The following CIMAP2 variants were observed in gnomAD, a reference collection of about 807,000 sequenced individuals.
CIMAP2 encodes the protein ciliary microtubule associated protein 2, also known as ciliary microtubule-associated protein 2.
chr1:54,807,646 C>A, the CIMAP2 span: 1 of 1,610,638 alleles, frequency 6.2e-7, no homozygotes, highest in Admixed American at 1.7e-5. Flanking sequence ...GACCCAGCTA[C>A]CCCACTTCCA....
chr1:54,806,947 G>T, the CIMAP2 span: 57 of 1,542,864 alleles, frequency 3.7e-5, no homozygotes, highest in Non-Finnish European at 4.9e-5. Context: ...CCCACGCCAG[G>T]GCCAGGTGCC....
chr1:54,816,829 C>CTGGGGTTGCT, the CIMAP2 span, among the ~76,000 whole-genome samples: 2 of 152,172 alleles, frequency 1.3e-5, no homozygotes, highest in African/African-American at 4.8e-5. Context: ...TTTTGAGATA[C>CTGGGGTTGCT]TGGGGTTGCT....
At chr1:54,810,187 C>T in the CIMAP2 span, among the ~76,000 whole-genome samples, 2 of 152,206 alleles carry the variant, frequency 1.3e-5, no homozygotes, top group Non-Finnish European at 2.9e-5. Flanking sequence ...GTGGTGCTCA[C>T]TGCCAACCCA....
chr1:54,816,282 G>A, the CIMAP2 span, among the ~76,000 whole-genome samples: 19 of 152,238 alleles, frequency 1.2e-4, no homozygotes, highest in African/African-American at 4.3e-4. Flanking sequence ...CATGGGACCA[G>A]CTTCTGGGTC....
chr1:54,807,397 GA>G, the CIMAP2 span: 2 of 1,211,718 alleles, frequency 1.7e-6, no homozygotes, highest in Non-Finnish European at 2.3e-6. Context: ...CCTTAGTGCT[GA>G]GGGTGGGAGC....
chr1:54,815,389 C>T, the CIMAP2 span, among the ~76,000 whole-genome samples: 1 of 152,136 alleles, frequency 6.6e-6, no homozygotes, highest in Non-Finnish European at 1.5e-5. Context: ...CTTTGAGAAC[C>T]AATTAGCTAA....
At chr1:54,840,811 C>G in the CIMAP2 span, among the ~76,000 whole-genome samples, 1 of 152,226 alleles carries the variant, frequency 6.6e-6, no homozygotes, top group African/African-American at 2.4e-5. Flanking sequence ...ACATTTTAAA[C>G]AAATGGGCTG....
At chr1:54,811,767 C>CGGGGGG in the CIMAP2 span, 33 of 1,088,136 alleles carry the variant, frequency 3.0e-5, no homozygotes, top group Non-Finnish European at 3.8e-5. Flanking sequence ...TTCTGACAGC[C>CGGGGGG]TCCATGCCCC....
chr1:54,828,654 T>C, the CIMAP2 span, among the ~76,000 whole-genome samples: 1 of 152,320 alleles, frequency 6.6e-6, no homozygotes, highest in African/African-American at 2.4e-5. Context: ...TTCTTTCTTT[T>C]TTTTTTATTT....
At chr1:54,815,053 G>C in the CIMAP2 span, 14 of 1,613,750 alleles carry the variant, frequency 8.7e-6, no homozygotes, top group African/African-American at 1.7e-4. Context: ...AGTGGGTCTG[G>C]GGTGAGGGAT....
At chr1:54,818,246 A>G in the CIMAP2 span, among the ~76,000 whole-genome samples, 3 of 152,004 alleles carry the variant, frequency 2.0e-5, no homozygotes, top group African/African-American at 7.3e-5. Context: ...GAGACTCAGC[A>G]CCTTCTATTC....
chr1:54,831,862 C>CT, the CIMAP2 span, among the ~76,000 whole-genome samples: 6 of 151,396 alleles, frequency 4.0e-5, no homozygotes, highest in African/African-American at 9.7e-5. Context: ...TAACCATGAA[C>CT]TTTTTTTTTG....
At chr1:54,811,766 C>CGGG in the CIMAP2 span, 13 of 1,305,158 alleles carry the variant, frequency 1.0e-5, no homozygotes, top group Middle Eastern at 2.4e-4. Context: ...GTTCTGACAG[C>CGGG]CTCCATGCCC....
the CIMAP2 span, among the ~76,000 whole-genome samples, chr1:54,828,152 A>C: frequency 6.6e-6 from 1 of 152,260 alleles, no homozygotes; most frequent in Admixed American, 6.5e-5. Flanking sequence ...GAAGAGCAAC[A>C]TTATTACAAT....
the CIMAP2 span, among the ~76,000 whole-genome samples, chr1:54,824,035 T>C: frequency 5.2e-4 from 79 of 152,276 alleles, no homozygotes; most frequent in Non-Finnish European, 1.0e-3. Context: ...TGGACTTTTT[T>C]TTTTAAGACA....
the CIMAP2 span, among the ~76,000 whole-genome samples, chr1:54,838,154 T>C: frequency 6.6e-6 from 1 of 151,992 alleles, no homozygotes; most frequent in Non-Finnish European, 1.5e-5. Flanking sequence ...TAATCAAAGG[T>C]TGACTGTGTG....
At chr1:54,811,765 G>GCGGGGGGGGGGGCGGCCCCC in the CIMAP2 span, 1 of 1,301,332 alleles carries the variant, frequency 7.7e-7, no homozygotes, top group Non-Finnish European at 1.1e-6. Context: ...GGTTCTGACA[G>GCGGGGGGGGGGGCGGCCCCC]CCTCCATGCC....
At chr1:54,816,551 C>T in the CIMAP2 span, among the ~76,000 whole-genome samples, 1 of 152,282 alleles carries the variant, frequency 6.6e-6, no homozygotes, top group South Asian at 2.1e-4. Flanking sequence ...AGTCTGAAAT[C>T]AAGGCGTCTG....
At chr1:54,828,502 T>G in the CIMAP2 span, among the ~76,000 whole-genome samples, 1 of 152,140 alleles carries the variant, frequency 6.6e-6, no homozygotes, top group African/African-American at 2.4e-5. Context: ...TGGCCAATTT[T>G]TCTTTTTTGG....
Sources: gnomAD v4.1 joint callset for allele counts (sites outside exome capture counted in the v4.1 genomes callset) on GRCh38, gnomAD v4.1.1 for gene constraint, MANE v1.5 for transcripts, NCBI Gene and HGNC (gene_info 2026-07-23, HGNC 2026-07-21) for gene names.